Variants in LEP observed in about 807,000 individuals in gnomAD.
LEP encodes leptin (murine obesity homolog).
In LEP, 6 loss-of-function variants were observed where a neutral mutation model predicts 9.8. The observed-to-expected ratio is 0.61, with a 90% CI of 0.34 to 1.21. LEP has a LOEUF of 1.21. Among genes scored for constraint, LEP ranks in the 50% most tolerant of loss-of-function variants. The pLI is 0.04. For synonymous variants in LEP, 112 were observed against 81.7 expected, an observed-to-expected ratio of 1.37 and a Z score of -2.00; for missense variants, 134 against 198.1, an observed-to-expected ratio of 0.68 and a Z score of 1.94.
At chr7:128,254,383 C>T in intron 2 of LEP, 21 bp from the exon 3 acceptor site, 1 of 1,611,114 alleles carries the variant, frequency 6.2e-7, no homozygotes, top group Non-Finnish European at 8.5e-7. Flanking sequence ...AGCACTTGTT[C>T]TCCCTCTTCC....
chr7:128,252,163 G>GT lies in LEP; in HGVS notation c.144+2dup. 6.2e-7 allele frequency: 1 copy of GT among 1,614,142 alleles called. No individual in the cohort carries two copies. The highest frequency in any genetic ancestry group is 8.5e-7 in the Non-Finnish European group (1 of 1,180,010). On this transcript the variant is annotated splice_donor_variant, in intron 2 of 2. Coordinates refer to ENST00000308868, the MANE Select transcript of LEP (RefSeq NM_000230.3). LOFTEE classifies it high-confidence loss of function. The stretch of plus-strand genomic sequence containing the variant: ...CAGGATCAATGACATTTCACACACG[G>GT]TAAGGAGAGTATGCGGGGACAAAGT...
rs1476919148 is a variant in LEP, at chr7:128,255,999, C to A, written c.*1236C>A. On this transcript the variant is annotated 3_prime_UTR_variant, in exon 3 of 3. Coordinates refer to ENST00000308868, the MANE Select transcript of LEP (RefSeq NM_000230.3). ...TCAGAGCAGGGGTCCTTGGTGTGAC[C>A]CTCTGAATGGTCCAGGGTTGATCAC... 1 of 152,164 alleles carries A rather than the reference C, an allele frequency of 6.6e-6. No individual in the cohort carries two copies. The highest frequency in any genetic ancestry group is 2.4e-5 in the African/African-American group (1 of 41,426). The allele number at this position is 152,164 out of a possible 1,614,324, so 9.4% of individuals were successfully genotyped here.
At chr7:128,244,254 C>T (rs1432471735) in intron 1 of LEP, among the ~76,000 whole-genome samples, 1 of 122,198 alleles carries the variant, frequency 8.2e-6, no homozygotes, top group Non-Finnish European at 1.5e-5. Context: ...CTGACACACA[C>T]ACACACACAC....
intron 2 of LEP, among the ~76,000 whole-genome samples, chr7:128,252,680 C>A (rs1795289492): frequency 6.6e-6 from 1 of 152,058 alleles, no homozygotes; most frequent in African/African-American, 2.4e-5. Flanking sequence ...GCAGTGGGCC[C>A]TGATCATGCC....
intron 1 of LEP, among the ~76,000 whole-genome samples, chr7:128,247,012 C>T (rs1795219199): frequency 6.6e-6 from 1 of 152,144 alleles, no homozygotes; most frequent in Non-Finnish European, 1.5e-5. Flanking sequence ...TCCTAGAGAC[C>T]CCTCTCCTCT....
chr7:128,247,018 C>T lies in LEP; in HGVS notation c.-28-4973C>T, dbSNP rs191625064. ...CCACCATCTTCCTAGAGACCCCTCT[C>T]CTCTCCAGGAGCTGCTTCAGTAGCA... On this transcript the variant is annotated intron_variant, in intron 1 of 2. Transcript: ENST00000308868. Among the ~76,000 whole-genome samples the T allele has an allele frequency of 2.0e-5, 3 of 152,316 alleles. No individual in the cohort carries two copies. In the East Asian group the frequency reaches 5.8e-4, roughly 29 times the overall value.
At chr7:128,247,241 G>A (rs773659603) in intron 1 of LEP, among the ~76,000 whole-genome samples, 3 of 152,060 alleles carry the variant, frequency 2.0e-5, no homozygotes, top group Non-Finnish European at 2.9e-5. Context: ...CAGCTGCAGC[G>A]GGCCCCTGGG....
intron 1 of LEP, 50 bp from the exon 2 acceptor site, chr7:128,251,941 G>A: frequency 4.2e-6 from 6 of 1,433,292 alleles, no homozygotes; most frequent in East Asian, 4.5e-5. Flanking sequence ...GAAGATGGGT[G>A]TATTCTGAGA....
intron 1 of LEP, among the ~76,000 whole-genome samples, chr7:128,245,274 G>A (rs1209022651): frequency 6.6e-6 from 1 of 152,126 alleles, no homozygotes; most frequent in Non-Finnish European, 1.5e-5. Context: ...CTGTCCTTCA[G>A]GCCTCAGTTC....
In LEP at chr7:128,251,994, C is replaced by T; in HGVS notation, c.-25C>T. ...GTGTGGTTCCTTCTGTTTTCAGGCC[C>T]AAGAAGCCCATCCTGGGAAGGAAAA... On this transcript the variant is annotated 5_prime_UTR_variant, in exon 2 of 3. Coordinates refer to ENST00000308868, the MANE Select transcript of LEP (RefSeq NM_000230.3). 6.2e-7 allele frequency: 1 copy of T among 1,613,952 alleles called. No homozygotes were observed.
Position 128,257,595 on chromosome 7 carries a change from T to TA in LEP, c.*2839dup, listed in dbSNP as rs1332467595. 2 of 151,838 alleles carry TA rather than the reference T, an allele frequency of 1.3e-5. No homozygotes were observed. The highest frequency in any genetic ancestry group is 1.9e-4 in the East Asian group (1 of 5,188). 9.4% of individuals were successfully genotyped at this position (151,838 alleles called of 1,614,324 possible). A position where few individuals can be genotyped will look rare whatever the true frequency, so the allele number is the denominator to read the frequency against. The stretch of plus-strand genomic sequence containing the variant: ...AAAAAAAAAAAAAAAAGTTTGTTTT[T>TA]AAAAAAATCTAAATAAAATAACTTT... On this transcript the variant is annotated 3_prime_UTR_variant, in exon 3 of 3. Coordinates refer to ENST00000308868, the MANE Select transcript of LEP (RefSeq NM_000230.3).
At position 128,254,685 on chromosome 7, in the gene LEP, A is replaced by G; in HGVS notation, c.426A>G (p.Thr142=). 6.2e-7 allele frequency: 1 copy of G among 1,614,010 alleles called. No homozygotes were observed. The highest frequency in any genetic ancestry group is 8.5e-7 in the Non-Finnish European group (1 of 1,180,008). The change falls in exon 3 of 3, where the codon ACA becomes ACG. Residue 142 remains threonine, a synonymous_variant. Transcript: ENST00000308868. ...GGVLEASGYS[T]EVVALSRLQG... is the part of the protein sequence containing the mutation. ...TCCTGGAAGCTTCAGGCTACTCCAC[A>G]GAGGTGGTGGCCCTGAGCAGGCTGC... is the stretch of plus-strand genomic sequence containing the variant.
chr7:128,246,173 C>T (rs1795208855), intron 1 of LEP, among the ~76,000 whole-genome samples: 1 of 152,172 alleles, frequency 6.6e-6, no homozygotes, highest in Non-Finnish European at 1.5e-5. Context: ...GATGGAGGGT[C>T]TGCCTCCATC....
In LEP at chr7:128,254,639, C is replaced by A. The variant is rs773031071; in HGVS notation, c.380C>A (p.Thr127Asn). 2 of 1,614,134 alleles carry A rather than the reference C, an allele frequency of 1.2e-6. No homozygotes were observed. Among genetic ancestry groups the A allele is most frequent in the East Asian group, 4.5e-5 (2 of 44,844 alleles). Residue 127 changes from threonine to asparagine, a missense_variant, in exon 3 of 3, where the codon ACC becomes AAC. Physicochemically the swap from Thr to Asn is moderately conservative, Grantham distance 65. Coordinates refer to ENST00000308868, the MANE Select transcript of LEP (RefSeq NM_000230.3). ...CHLPWASGLE[T>N]LDSLGGVLEA... ...TTGCCCTGGGCCAGTGGCCTGGAGA[C>A]CTTGGACAGCCTGGGGGGTGTCCTG...
At chr7:128,247,363 CA>C (rs1340548381) in intron 1 of LEP, among the ~76,000 whole-genome samples, 1 of 152,172 alleles carries the variant, frequency 6.6e-6, no homozygotes, top group African/African-American at 2.4e-5. Context: ...GGAGCCCAAC[CA>C]CCTCTTTCCA....
intron 1 of LEP, among the ~76,000 whole-genome samples, chr7:128,243,418 G>T (rs1795174136): frequency 6.6e-6 from 1 of 152,210 alleles, no homozygotes; most frequent in Non-Finnish European, 1.5e-5. Flanking sequence ...GGAGGGCAGG[G>T]CAGGGGTCTC....
Position 128,257,013 on chromosome 7 carries a change from G to C in LEP, c.*2250G>C, listed in dbSNP as rs1795349374. 1 of 152,454 alleles carries C rather than the reference G, an allele frequency of 6.6e-6. No individual in the cohort carries two copies. Among genetic ancestry groups the C allele is most frequent in the Non-Finnish European group, 1.5e-5 (1 of 68,182 alleles). 9.4% of individuals were successfully genotyped at this position (152,454 alleles called of 1,614,324 possible). ...AGAGGCAGAGAAAGAAGAGACAGGA[G>C]GGCAAGGGCCATGCTGAAGGGACCT... On this transcript the variant is annotated 3_prime_UTR_variant, in exon 3 of 3. Coordinates refer to ENST00000308868, the MANE Select transcript of LEP (RefSeq NM_000230.3).
intron 1 of LEP, among the ~76,000 whole-genome samples, chr7:128,250,892 C>CT (rs1562931608): frequency 6.6e-6 from 1 of 152,182 alleles, no homozygotes; most frequent in African/African-American, 2.4e-5. Flanking sequence ...ATACATTTAA[C>CT]TTTATTACCT....
chr7:128,254,715 G>T lies in LEP; in HGVS notation c.456G>T (p.Gly152=). The change falls in exon 3 of 3, where the codon GGG becomes GGT. Residue 152 remains glycine, a synonymous_variant. Coordinates refer to ENST00000308868, the MANE Select transcript of LEP (RefSeq NM_000230.3). ...TEVVALSRLQ[G]SLQDMLWQLD... ...TGGTGGCCCTGAGCAGGCTGCAGGG[G>T]TCTCTGCAGGACATGCTGTGGCAGC... is the stretch of plus-strand genomic sequence containing the variant. The T allele has an allele frequency of 1.2e-6, 2 of 1,613,268 alleles. No individual in the cohort carries two copies. The highest frequency in any genetic ancestry group is 8.5e-7 in the Non-Finnish European group (1 of 1,179,904).
Sources: allele counts gnomAD v4.1 joint callset (sites outside exome capture counted in the v4.1 genomes callset), GRCh38; gene constraint gnomAD v4.1.1; transcripts MANE v1.5; gene names NCBI Gene and HGNC (gene_info 2026-07-23, HGNC 2026-07-21).